IL34: variants seen among roughly 807,000 people sequenced by gnomAD.
IL34 encodes interleukin-34.
A neutral mutation model predicts 25.3 loss-of-function variants in IL34; 17 were observed. The observed-to-expected ratio is 0.67, with a 90% CI of 0.46 to 1.01. The LOEUF (loss-of-function observed/expected upper bound fraction) is 1.01. IL34 is among the 50% of genes least tolerant of loss of function. IL34 has a pLI of 0.00. For synonymous variants in IL34, 174 were observed against 140.9 expected (o/e 1.23, Z -1.66); for missense variants, 368 against 312.9 (o/e 1.18, Z -1.33).
intron 2 of IL34, among the ~76,000 whole-genome samples, chr16:70,654,982 C>T (rs943581429): frequency 2.6e-5 from 4 of 152,156 alleles, no homozygotes; most frequent in African/African-American, 4.8e-5. Flanking sequence ...ACTTATTAGC[C>T]AGGGAGCTAA....
At chr16:70,638,200 G>A (rs970218052) in intron 1 of IL34, among the ~76,000 whole-genome samples, 1 of 152,134 alleles carries the variant, frequency 6.6e-6, no homozygotes, top group Non-Finnish European at 1.5e-5. Context: ...AATCAGACTG[G>A]GCGCGATGGC....
At chr16:70,594,386 C>G (rs2050792400) in intron 1 of IL34, among the ~76,000 whole-genome samples, 2 of 152,124 alleles carry the variant, frequency 1.3e-5, no homozygotes, top group Non-Finnish European at 2.9e-5. Flanking sequence ...ATATAAATGG[C>G]ATTGTGCTTT....
chr16:70,599,265 G>C (rs1369276211), intron 1 of IL34, among the ~76,000 whole-genome samples: 4 of 139,076 alleles, frequency 2.9e-5, no homozygotes, highest in Admixed American at 1.4e-4. Context: ...GTCAAGAACT[G>C]TTTCTTTCTT....
upstream of IL34, among the ~76,000 whole-genome samples, chr16:70,642,389 C>CT (rs1211729277): frequency 2.0e-5 from 3 of 149,614 alleles, no homozygotes; most frequent in Non-Finnish European, 3.0e-5. Context: ...ACTTTGCCCT[C>CT]TGAGTTCAAG....
At chr16:70,620,322 G>A (rs2051253007) in intron 1 of IL34, among the ~76,000 whole-genome samples, 1 of 152,144 alleles carries the variant, frequency 6.6e-6, no homozygotes. Context: ...TAAAGAAAAA[G>A]GAGCATTCAC....
chr16:70,592,040 G>A (rs939226443), intron 1 of IL34, among the ~76,000 whole-genome samples: 15 of 151,768 alleles, frequency 9.9e-5, no homozygotes, highest in Non-Finnish European at 2.2e-4. Context: ...TTCCACAGTG[G>A]GAAGGGGCAT....
At chr16:70,619,837 G>A (rs1049452811) in intron 1 of IL34, among the ~76,000 whole-genome samples, 2 of 152,222 alleles carry the variant, frequency 1.3e-5, no homozygotes, top group Non-Finnish European at 2.9e-5. Flanking sequence ...CCGATTTTCA[G>A]TGGGGTCCCA....
rs1046307219 is a variant in IL34, at chr16:70,636,817, A to G, written c.-400-9731A>G. ...AAAAACAAAACAAAACAGAATGAAG[A>G]AGAATACTCTAATATAACAACATAA... On this transcript the variant is annotated intron_variant, in intron 1 of 6. Transcript: ENST00000429149. 2.6e-5 allele frequency among the ~76,000 whole-genome samples: 4 copies of G among 152,178 alleles called. No individual in the cohort carries two copies. The South Asian group carries it at 8.3e-4, about 32-fold the overall frequency.
In IL34 at chr16:70,654,657, C is replaced by T. The variant is rs143111548; in HGVS notation, c.148C>T (p.Arg50Ter). The change falls in exon 2 of 6, where the codon CGA becomes TGA. Residue 50 changes from arginine to a stop codon, truncating the protein, a stop_gained. Coordinates refer to ENST00000288098, the MANE Select transcript of IL34 (RefSeq NM_001393494.1). LOFTEE classifies it high-confidence loss of function. The stretch of plus-strand genomic sequence containing the variant: ...GCGGGACAAGCTGCAGTACAGGAGC[C>T]GACTTCAGTACATGGTAACCACGTG... ...FLRDKLQYRS[R>*]LQYMKHYFPI... 1.3e-5 allele frequency: 21 copies of T among 1,609,076 alleles called. No individual in the cohort carries two copies. The highest frequency in any genetic ancestry group is 2.2e-5 in the East Asian group (1 of 44,692).
rs1174304547 is a variant in IL34 at position 70,620,906 on chromosome 16, A to T, written c.-400-25642A>T. 3.3e-5 allele frequency among the ~76,000 whole-genome samples: 5 copies of T among 152,118 alleles called. No homozygotes were observed. The East Asian group carries it at 7.7e-4, about 23-fold the overall frequency. On this transcript the variant is annotated intron_variant, in intron 1 of 6. Transcript: ENST00000429149. Reference sequence around the variant, plus strand: ...CTAAGGGAGAAGAAGGAGGAATGGAATGTGGAATCTTACGTATAGTGAAGG... The same window carrying T: ...CTAAGGGAGAAGAAGGAGGAATGGATTGTGGAATCTTACGTATAGTGAAGG...
chr16:70,581,321 G>A (rs1456662886), intron 1 of IL34, among the ~76,000 whole-genome samples: 2 of 152,000 alleles, frequency 1.3e-5, no homozygotes, highest in East Asian at 3.8e-4. Context: ...GGCAGCCTCT[G>A]TCCGCTGATG....
rs1363836798 is a variant in IL34, at chr16:70,654,638, C to G, written c.129C>G (p.Asp43Glu). 3 of 1,612,940 alleles carry G rather than the reference C, an allele frequency of 1.9e-6. No individual in the cohort carries two copies. In the African/African-American group the frequency reaches 4.0e-5, roughly 22 times the overall value. Residue 43 changes from aspartate to glutamate, a missense_variant, in exon 2 of 6, where the codon GAC (aspartate) becomes GAG (glutamate). Physicochemically the swap from Asp to Glu is conservative, Grantham distance 45 (BLOSUM62 2). Transcript: ENST00000288098. ...GCACTGTCACGGGTTTTCTGCGGGA[C>G]AAGCTGCAGTACAGGAGCCGACTTC... ...EECTVTGFLR[D>E]KLQYRSRLQY...
intron 1 of IL34, among the ~76,000 whole-genome samples, chr16:70,621,525 G>A (rs994740547): frequency 1.3e-5 from 2 of 152,070 alleles, no homozygotes; most frequent in Non-Finnish European, 2.9e-5. Context: ...GGTCGTAGGT[G>A]GATCTTTCTC....
intron 1 of IL34, among the ~76,000 whole-genome samples, chr16:70,637,646 A>C (rs1372943892): frequency 6.6e-6 from 1 of 152,146 alleles, no homozygotes; most frequent in Non-Finnish European, 1.5e-5. Flanking sequence ...CGCCTGGCCA[A>C]GTTAATTTCT....
chr16:70,626,939 T>C (rs2051406798), intron 1 of IL34, among the ~76,000 whole-genome samples: 1 of 152,176 alleles, frequency 6.6e-6, no homozygotes, highest in African/African-American at 2.4e-5. Flanking sequence ...CTCTTTCTGT[T>C]CATGTTCATT....
chr16:70,624,151 T>C (rs965141834), intron 1 of IL34, among the ~76,000 whole-genome samples: 2 of 152,056 alleles, frequency 1.3e-5, no homozygotes, highest in Admixed American at 1.3e-4. Context: ...AGTCCGATTT[T>C]CAGTGGGGTC....
At chr16:70,603,093 G>A (rs762533820) in intron 1 of IL34, among the ~76,000 whole-genome samples, 10 of 151,852 alleles carry the variant, frequency 6.6e-5, no homozygotes, top group Non-Finnish European at 1.5e-4. Flanking sequence ...GCTGGGCCCC[G>A]TGACTGACAT....
At chr16:70,616,799 A>G (rs913804615) in intron 1 of IL34, among the ~76,000 whole-genome samples, 2 of 151,912 alleles carry the variant, frequency 1.3e-5, no homozygotes, top group Non-Finnish European at 1.5e-5. Context: ...GTGGAATGTC[A>G]TCAGTTAAGG....
Position 70,639,428 on chromosome 16 carries a change from G to C in IL34, c.-400-7120G>C, listed in dbSNP as rs533302187. On this transcript the variant is annotated intron_variant, in intron 1 of 6. Coordinates refer to the IL34 transcript ENST00000429149. ...AAGCTGTTGATCTGCTACTGCCTCTGCTTGCCTCATGGGGAAACGCTTGAT... is the reference window on the plus strand; with the variant it reads ...AAGCTGTTGATCTGCTACTGCCTCTCCTTGCCTCATGGGGAAACGCTTGAT... Among the ~76,000 whole-genome samples, 10 of 152,282 alleles carry C rather than the reference G, an allele frequency of 6.6e-5. No homozygotes were observed. In the South Asian group the frequency reaches 2.1e-3, roughly 32 times the overall value.
Sources: allele counts gnomAD v4.1 joint callset (sites outside exome capture counted in the v4.1 genomes callset), GRCh38; gene constraint gnomAD v4.1.1; transcripts MANE v1.5; gene names NCBI Gene and HGNC (gene_info 2026-07-23, HGNC 2026-07-21).